The following SAMD13 variants were observed in gnomAD, a reference collection of about 807,000 sequenced individuals.
SAMD13 encodes sterile alpha motif domain-containing protein 13.
In SAMD13, 9 loss-of-function variants were observed where a neutral mutation model predicts 12.4. The ratio of observed to expected loss-of-function variants is 0.72; its 90% CI spans 0.44 to 1.26. The LOEUF (loss-of-function observed/expected upper bound fraction) is 1.26, where lower values mean the gene tolerates loss of function less well. Among genes scored for constraint, SAMD13 ranks in the 50% most tolerant of loss-of-function variants. The pLI is 0.00. For missense variants in SAMD13, 84 were observed against 119.6 expected (o/e 0.70, Z 1.39); for synonymous variants, 46 against 45.4 (o/e 1.01, Z -0.05).
intron 2 of SAMD13, among the ~76,000 whole-genome samples, chr1:84,311,301 A>T (rs1570230541): frequency 6.7e-6 from 1 of 149,978 alleles, no homozygotes; most frequent in Non-Finnish European, 1.5e-5. Context: ...GTGCCACTGC[A>T]CTCCAGCCTG....
chr1:84,335,339 G>T (rs4907060), intron 3 of SAMD13, among the ~76,000 whole-genome samples: 68,227 of 151,892 alleles, frequency 0.45, 17,149 homozygotes, highest in East Asian at 0.6. Flanking sequence ...TTTAAAGTCT[G>T]TTTTGTCTGA....
rs762668432 is a variant in SAMD13, at chr1:84,349,758, AG to A, written c.294del (p.Asn99ThrfsTer18). 24 of 1,613,346 alleles carry A rather than the reference AG, an allele frequency of 1.5e-5. No homozygotes were observed. Among genetic ancestry groups the A allele is most frequent in the Non-Finnish European group, 1.9e-5 (23 of 1,179,676 alleles). Reference sequence around the variant, plus strand: ...AAACCTCTGCAGACAAAGCATTTAAAGAACAACTCTTCATAGTACAGTCAAA... The same window carrying A: ...AAACCTCTGCAGACAAAGCATTTAAAAACAACTCTTCATAGTACAGTCAAA... ...HVKPLQTKHL[K>X]NNSS On this transcript the variant is annotated frameshift_variant, in exon 4 of 4. Transcript: ENST00000394834. LOFTEE classifies it high-confidence loss of function.
At chr1:84,300,406 T>G (rs561743996), upstream of SAMD13, among the ~76,000 whole-genome samples, 1 of 152,332 alleles carries the variant, frequency 6.6e-6, no homozygotes, top group African/African-American at 2.4e-5. Flanking sequence ...ACAAATTTTT[T>G]GACCTTGAAA....
intron 2 of SAMD13, among the ~76,000 whole-genome samples, chr1:84,324,011 A>C (rs1679003617): frequency 6.6e-6 from 1 of 152,164 alleles, no homozygotes; most frequent in Non-Finnish European, 1.5e-5. Flanking sequence ...ATTCCATGAC[A>C]CTTCTACTCC....
intron 2 of SAMD13, among the ~76,000 whole-genome samples, chr1:84,320,672 T>A (rs1678924068): frequency 6.6e-6 from 1 of 152,208 alleles, no homozygotes; most frequent in Non-Finnish European, 1.5e-5. Flanking sequence ...ATAGGTTAAT[T>A]TCATTTTGAA....
intron 2 of SAMD13, among the ~76,000 whole-genome samples, chr1:84,321,895 C>T (rs985988118): frequency 6.6e-6 from 1 of 152,098 alleles, no homozygotes; most frequent in Admixed American, 6.5e-5. Context: ...CTGGAAGAGC[C>T]CAGTGAAATC....
intron 2 of SAMD13, among the ~76,000 whole-genome samples, chr1:84,323,309 A>G (rs115428846): frequency 9.4e-4 from 143 of 152,234 alleles, no homozygotes; most frequent in African/African-American, 3.1e-3. Flanking sequence ...ATTTTTTTTA[A>G]AATTTACTAT....
chr1:84,329,794 C>T (rs1201712901), intron 3 of SAMD13, among the ~76,000 whole-genome samples: 2 of 152,188 alleles, frequency 1.3e-5, no homozygotes, highest in Non-Finnish European at 2.9e-5. Flanking sequence ...CTGCCTAGCC[C>T]ATCACAAATA....
At chr1:84,334,081 G>A (rs1679247513) in intron 3 of SAMD13, among the ~76,000 whole-genome samples, 1 of 152,070 alleles carries the variant, frequency 6.6e-6, no homozygotes, top group Non-Finnish European at 1.5e-5. Flanking sequence ...ATGAGTTAAG[G>A]AGGAGTCCCT....
At chr1:84,330,155 G>A (rs1679148011) in intron 3 of SAMD13, among the ~76,000 whole-genome samples, 1 of 152,186 alleles carries the variant, frequency 6.6e-6, no homozygotes. Context: ...GTTTTCTCAT[G>A]GTTAGTGGAT....
intron 3 of SAMD13, among the ~76,000 whole-genome samples, chr1:84,332,162 C>A (rs1342162188): frequency 6.6e-6 from 1 of 152,112 alleles, no homozygotes; most frequent in Admixed American, 6.6e-5. Flanking sequence ...GATTTCATAT[C>A]TTTCCTATTG....
chr1:84,305,422 A>T (rs1678548022), intron 2 of SAMD13, among the ~76,000 whole-genome samples: 1 of 152,002 alleles, frequency 6.6e-6, no homozygotes, highest in Non-Finnish European at 1.5e-5. Flanking sequence ...ATATTATTTG[A>T]AAATATTTTC....
At chr1:84,322,679 A>G (rs1378926473) in intron 2 of SAMD13, among the ~76,000 whole-genome samples, 1 of 152,112 alleles carries the variant, frequency 6.6e-6, no homozygotes, top group Non-Finnish European at 1.5e-5. Flanking sequence ...AAACTTAGGT[A>G]GATCAATCAT....
chr1:84,324,128 T>G (rs1053575653), intron 2 of SAMD13, among the ~76,000 whole-genome samples: 1 of 152,224 alleles, frequency 6.6e-6, no homozygotes, highest in African/African-American at 2.4e-5. Flanking sequence ...CACCCTAGTC[T>G]ACGCATGATC....
At chr1:84,318,429 G>A (rs1678878577) in intron 2 of SAMD13, among the ~76,000 whole-genome samples, 1 of 151,952 alleles carries the variant, frequency 6.6e-6, no homozygotes. Flanking sequence ...TTTTCCTGCT[G>A]CCATTGATTT....
At chr1:84,342,851 C>T (rs186719962) in intron 3 of SAMD13, among the ~76,000 whole-genome samples, 24 of 152,180 alleles carry the variant, frequency 1.6e-4, no homozygotes, top group Non-Finnish European at 2.6e-4. Flanking sequence ...CAAAAATTGA[C>T]AAATGGGATC....
Position 84,340,178 on chromosome 1 carries a change from C to T in SAMD13, c.166-9453C>T, listed in dbSNP as rs76988466. Among the ~76,000 whole-genome samples the T allele has an allele frequency of 3.4e-3, 524 of 152,188 alleles. 5 individuals are homozygous for T. Among genetic ancestry groups the T allele is most frequent in the African/African-American group, 0.011 (476 of 41,534 alleles). ...ACAATAACCAAAGGTGGAAATATCC[C>T]GAGTGTCCATGAACAGATGAATTGA... On this transcript the variant is annotated intron_variant, in intron 3 of 3. Coordinates refer to ENST00000394834, the MANE Select transcript of SAMD13 (RefSeq NM_001134663.2).
intron 3 of SAMD13, among the ~76,000 whole-genome samples, chr1:84,345,547 C>T (rs1417415850): frequency 6.6e-6 from 1 of 152,154 alleles, no homozygotes; most frequent in Non-Finnish European, 1.5e-5. Context: ...CAGTAGAGGC[C>T]ACCACCACAA....
chr1:84,316,057 A>G (rs1678826726), intron 2 of SAMD13, among the ~76,000 whole-genome samples: 1 of 151,824 alleles, frequency 6.6e-6, no homozygotes, highest in South Asian at 2.1e-4. Flanking sequence ...CCATTTTTTC[A>G]ATTGAGTTAT....
Sources: allele counts gnomAD v4.1 joint callset (sites outside exome capture counted in the v4.1 genomes callset), GRCh38; gene constraint gnomAD v4.1.1; transcripts MANE v1.5; gene names NCBI Gene and HGNC (gene_info 2026-07-23, HGNC 2026-07-21).